The following FNIP1 variants were observed in gnomAD, a reference collection of about 807,000 sequenced individuals.
The protein encoded by FNIP1 is folliculin-interacting protein 1.
Under a neutral mutation model 124.5 loss-of-function variants are expected in FNIP1, and 40 were observed. The ratio of observed to expected loss-of-function variants is 0.32; its 90% confidence interval spans 0.25 to 0.42. FNIP1 has a LOEUF of 0.42. FNIP1 is among the 10% of genes least tolerant of loss of function. The pLI, the probability that FNIP1 is intolerant of heterozygous loss-of-function variation, is 1.00. For synonymous variants in FNIP1, 472 were observed against 470.6 expected (o/e 1.00, Z -0.04); for missense variants, 1,176 against 1,403.7 (o/e 0.84, Z 2.59).
chr5:131,690,246 G>GATAAA (rs1404410381), intron 11 of FNIP1, among the ~76,000 whole-genome samples: 1 of 151,576 alleles, frequency 6.6e-6, no homozygotes, highest in Non-Finnish European at 1.5e-5. Flanking sequence ...AATAAAATAA[G>GATAAA]ATAAAATAAA....
chr5:131,723,025 C>G (rs979843346), intron 3 of FNIP1, among the ~76,000 whole-genome samples: 1 of 152,040 alleles, frequency 6.6e-6, no homozygotes, highest in South Asian at 2.1e-4. Context: ...TCTGTCATAC[C>G]TAGGTTACTA....
chr5:131,715,756 A>G (rs1769447496), intron 6 of FNIP1, among the ~76,000 whole-genome samples: 1 of 152,158 alleles, frequency 6.6e-6, no homozygotes, highest in Non-Finnish European at 1.5e-5. Flanking sequence ...TCATTTGAAT[A>G]AACACAAATT....
chr5:131,794,229 T>TAAA (rs60617618), intron 1 of FNIP1, among the ~76,000 whole-genome samples: 1 of 48,462 alleles, frequency 2.1e-5, no homozygotes, highest in African/African-American at 7.3e-5. Flanking sequence ...AGACTCCATC[T>TAAA]AAAAAAAAAA....
At chr5:131,753,718 T>A (rs1770955721) in intron 1 of FNIP1, among the ~76,000 whole-genome samples, 1 of 152,166 alleles carries the variant, frequency 6.6e-6, no homozygotes, top group African/African-American at 2.4e-5. Flanking sequence ...TTTTATTATA[T>A]GCAAATTATA....
chr5:131,750,640 T>G (rs1258976130), intron 1 of FNIP1, among the ~76,000 whole-genome samples: 3 of 148,810 alleles, frequency 2.0e-5, no homozygotes, highest in Admixed American at 6.7e-5. Flanking sequence ...TTAGACAGAG[T>G]CTCTCTCTGT....
At chr5:131,665,263 A>G (rs529941285) in intron 15 of FNIP1, among the ~76,000 whole-genome samples, 3 of 152,118 alleles carry the variant, frequency 2.0e-5, no homozygotes, top group South Asian at 4.1e-4. Context: ...AGAAGCCACA[A>G]TGCTGCCTAA....
At chr5:131,707,926 G>A (rs1769166721) in intron 8 of FNIP1, among the ~76,000 whole-genome samples, 1 of 152,004 alleles carries the variant, frequency 6.6e-6, no homozygotes, top group South Asian at 2.1e-4. Context: ...TTAAATTCCT[G>A]CCAGGGAAGA....
rs531990869 is a variant in FNIP1 at position 131,796,776 on chromosome 5, G to A, written c.92+54C>T. ...CACCGAAGGCCCCAACACCCCTGGA[G>A]CCCGGAGCCCACAAGGCCATCGGCT... is the stretch of plus-strand genomic sequence containing the variant. On this transcript the variant is annotated intron_variant, in intron 1 of 17. Coordinates refer to ENST00000510461, the MANE Select transcript of FNIP1 (RefSeq NM_133372.3). 1.3e-5 allele frequency: 19 copies of A among 1,504,240 alleles called. No individual in the cohort carries two copies. In the African/African-American group the frequency reaches 2.5e-4, roughly 20 times the overall value. The allele number at this position is 1,504,240 out of a possible 1,614,324, so 93.2% of individuals were successfully genotyped here. A position where few individuals can be genotyped will look rare whatever the true frequency, so the allele number is the denominator to read the frequency against.
At position 131,642,097 on chromosome 5, in the gene FNIP1, CTT is replaced by C. The variant is rs1032579896; in HGVS notation, c.*2586_*2587del. ...TTTAATTCTATAATGTAAAAGATCC[CTT>C]TTTTATTTCCTGTTTCAATAAACAG... On this transcript the variant is annotated 3_prime_UTR_variant, in exon 18 of 18. Coordinates refer to ENST00000510461, the MANE Select transcript of FNIP1 (RefSeq NM_133372.3). 1.4e-3 allele frequency: 209 copies of C among 152,630 alleles called. 1 individual carries two copies. The highest frequency in any genetic ancestry group is 4.8e-3 in the African/African-American group (201 of 41,472). The allele number at this position is 152,630 out of a possible 1,614,324, so 9.5% of individuals were successfully genotyped here.
intron 1 of FNIP1, among the ~76,000 whole-genome samples, chr5:131,788,304 T>C (rs1375897921): frequency 1.3e-5 from 2 of 152,068 alleles, no homozygotes; most frequent in African/African-American, 4.8e-5. Context: ...TTATCTTATG[T>C]TTTACATGGG....
chr5:131,723,689 A>C (rs137891725), intron 3 of FNIP1, among the ~76,000 whole-genome samples: 75 of 152,254 alleles, frequency 4.9e-4, no homozygotes, highest in African/African-American at 1.8e-3. Context: ...TGTTCCACTT[A>C]CCTGAAATTA....
chr5:131,755,672 T>C (rs752127727), intron 1 of FNIP1, among the ~76,000 whole-genome samples: 3 of 151,978 alleles, frequency 2.0e-5, no homozygotes, highest in South Asian at 4.1e-4. Context: ...GACAGACTAC[T>C]AGAGAGGAAA....
At chr5:131,747,402 T>C (rs947370722) in intron 1 of FNIP1, among the ~76,000 whole-genome samples, 13 of 152,334 alleles carry the variant, frequency 8.5e-5, no homozygotes, top group African/African-American at 2.9e-4. Flanking sequence ...TAGTAAATGA[T>C]AAAGACCTAC....
chr5:131,654,874 G>A (rs1314087891), intron 15 of FNIP1, among the ~76,000 whole-genome samples: 2 of 152,184 alleles, frequency 1.3e-5, no homozygotes, highest in African/African-American at 4.8e-5. Context: ...TATACCTTGG[G>A]AAGATTTTCC....
At chr5:131,650,118 A>C (rs1224042826) in intron 16 of FNIP1, among the ~76,000 whole-genome samples, 1 of 152,106 alleles carries the variant, frequency 6.6e-6, no homozygotes, top group Non-Finnish European at 1.5e-5. Context: ...TGAGATTCTT[A>C]ATGTATTTTA....
At chr5:131,753,998 G>A (rs1770965435) in intron 1 of FNIP1, among the ~76,000 whole-genome samples, 1 of 152,136 alleles carries the variant, frequency 6.6e-6, no homozygotes, top group Non-Finnish European at 1.5e-5. Context: ...ATTTTTAGTA[G>A]ACACAGGGTT....
At position 131,784,800 on chromosome 5, in the gene FNIP1, C is replaced by T. The variant is rs578055556; in HGVS notation, c.92+12030G>A. Among the ~76,000 whole-genome samples the T allele has an allele frequency of 4.6e-4, 69 of 149,548 alleles. 1 individual carries two copies. The South Asian group carries it at 0.014, about 31-fold the overall frequency. On this transcript the variant is annotated intron_variant, in intron 1 of 17. Coordinates refer to ENST00000510461, the MANE Select transcript of FNIP1 (RefSeq NM_133372.3). ...CCACGCCACTGCACTCCAGCCTGGGCGACAGAGTGAGACTGTCTCTCAAAA... is the reference window on the plus strand; with the variant it reads ...CCACGCCACTGCACTCCAGCCTGGGTGACAGAGTGAGACTGTCTCTCAAAA...
intron 1 of FNIP1, among the ~76,000 whole-genome samples, chr5:131,767,811 T>C (rs1488304281): frequency 2.6e-5 from 4 of 152,232 alleles, no homozygotes; most frequent in Admixed American, 2.0e-4. Context: ...CCAAAGACTT[T>C]AGTTATCAAT....
intron 1 of FNIP1, among the ~76,000 whole-genome samples, chr5:131,758,931 G>C (rs898878751): frequency 5.3e-5 from 8 of 151,994 alleles, no homozygotes; most frequent in Non-Finnish European, 8.8e-5. Context: ...GCCCTCAAAA[G>C]GGCCACAGTA....
Sources: allele counts gnomAD v4.1 joint callset (sites outside exome capture counted in the v4.1 genomes callset), GRCh38; gene constraint gnomAD v4.1.1; transcripts MANE v1.5; gene names NCBI Gene and HGNC (gene_info 2026-07-23, HGNC 2026-07-21).